Variants in IQCK observed in about 807,000 individuals in gnomAD.
The protein encoded by IQCK is IQ domain-containing protein K.
IQCK carries 29 observed loss-of-function variants against 28.1 expected under a neutral mutation model. That is an observed-to-expected ratio of 1.03 (90% confidence interval 0.77 to 1.41). The LOEUF (loss-of-function observed/expected upper bound fraction) is 1.41. Ranked by LOEUF, IQCK falls within the 40% of genes most tolerant of loss-of-function variation. The pLI is 0.00. For missense variants in IQCK, 359 were observed against 314.7 expected (o/e 1.14, Z -1.07); for synonymous variants, 113 against 115.1 (o/e 0.98, Z 0.12).
chr16:19,734,680 C>G (rs1977954934), intron 3 of IQCK, among the ~76,000 whole-genome samples: 1 of 146,966 alleles, frequency 6.8e-6, no homozygotes, highest in Non-Finnish European at 1.5e-5. Context: ...ATTTGGGAGG[C>G]TAAGGTGGGA....
intron 9 of IQCK, among the ~76,000 whole-genome samples, chr16:19,836,861 G>A (rs1377531968): frequency 2.6e-5 from 4 of 152,052 alleles, no homozygotes; most frequent in Admixed American, 6.6e-5. Flanking sequence ...ACCCCTAGAC[G>A]GCTCATGACC....
intron 6 of IQCK, among the ~76,000 whole-genome samples, chr16:19,764,863 T>A (rs1422093837): frequency 2.0e-5 from 3 of 149,462 alleles, no homozygotes; most frequent in African/African-American, 7.3e-5. Flanking sequence ...CTAATTTTTT[T>A]TTTTTTTTTG....
chr16:19,754,086 C>T (rs1005793654), intron 4 of IQCK, among the ~76,000 whole-genome samples: 8 of 152,056 alleles, frequency 5.3e-5, no homozygotes, highest in Non-Finnish European at 1.2e-4. Flanking sequence ...GATTATCTCA[C>T]CTGCCTTATC....
intron 4 of IQCK, among the ~76,000 whole-genome samples, chr16:19,754,631 CTCTT>C (rs950768374): frequency 2.5e-4 from 32 of 125,782 alleles, no homozygotes; most frequent in Admixed American, 8.4e-4. Flanking sequence ...GAATTTTTTT[CTCTT>C]TCTTTTTTTT....
chr16:19,834,502 A>T (rs920424327), intron 9 of IQCK, among the ~76,000 whole-genome samples: 1 of 152,180 alleles, frequency 6.6e-6, no homozygotes, highest in African/African-American at 2.4e-5. Context: ...CATGGTAACT[A>T]AGGACCCACA....
intron 1 of IQCK, 81 bp from the exon 2 acceptor site, chr16:19,730,349 T>G: frequency 9.5e-7 from 1 of 1,047,268 alleles, no homozygotes; most frequent in East Asian, 2.5e-5. Context: ...AATTTAAGAA[T>G]GTTTTATTCA....
At chr16:19,763,407 A>G (rs2055178464) in intron 4 of IQCK, among the ~76,000 whole-genome samples, 1 of 152,050 alleles carries the variant, frequency 6.6e-6, no homozygotes, top group Non-Finnish European at 1.5e-5. Context: ...CAGAGGTGGA[A>G]GGGGAGGCAG....
chr16:19,838,756 T>A (rs1435702904), intron 9 of IQCK, among the ~76,000 whole-genome samples: 1 of 152,136 alleles, frequency 6.6e-6, no homozygotes, highest in Non-Finnish European at 1.5e-5. Flanking sequence ...CAGTGGTTCA[T>A]GCCTGTAATC....
chr16:19,726,696 G>T (rs1162870961), intron 1 of IQCK, among the ~76,000 whole-genome samples: 1 of 152,154 alleles, frequency 6.6e-6, no homozygotes, highest in Non-Finnish European at 1.5e-5. Context: ...ATAAATGAAT[G>T]AATAAGCCGT....
downstream of IQCK, among the ~76,000 whole-genome samples, chr16:19,829,303 GC>G (rs1189286610): frequency 6.6e-6 from 1 of 150,382 alleles, no homozygotes; most frequent in Non-Finnish European, 1.5e-5. Context: ...ATGTGCCAAT[GC>G]CTTCTTCACC....
chr16:19,832,465 G>A (rs371868114), intron 9 of IQCK, among the ~76,000 whole-genome samples: 3 of 151,914 alleles, frequency 2.0e-5, no homozygotes, highest in African/African-American at 4.8e-5. Context: ...TTCCAAGAGT[G>A]GTTTTTAGTA....
At chr16:19,832,901 A>G (rs2056250923) in intron 9 of IQCK, among the ~76,000 whole-genome samples, 1 of 152,160 alleles carries the variant, frequency 6.6e-6, no homozygotes, top group South Asian at 2.1e-4. Flanking sequence ...CACTATCATA[A>G]GAACAGTATG....
chr16:19,816,960 G>GC (rs2055996596), intron 7 of IQCK, among the ~76,000 whole-genome samples: 1 of 152,124 alleles, frequency 6.6e-6, no homozygotes. Context: ...TAAGGAACCT[G>GC]CCCAAGGCTC....
At chr16:19,754,790 G>T (rs899741825) in intron 4 of IQCK, among the ~76,000 whole-genome samples, 2 of 152,066 alleles carry the variant, frequency 1.3e-5, no homozygotes, top group African/African-American at 4.8e-5. Flanking sequence ...TGACCAATAA[G>T]GAAAATTAGT....
chr16:19,827,571 G>A (rs1222226472), downstream of IQCK, among the ~76,000 whole-genome samples: 1 of 152,196 alleles, frequency 6.6e-6, no homozygotes. Flanking sequence ...CGGGCTGTGA[G>A]ATGCCCAGAT....
chr16:19,821,810 A>G (rs1267462888), intron 7 of IQCK, among the ~76,000 whole-genome samples: 1 of 152,130 alleles, frequency 6.6e-6, no homozygotes, highest in Non-Finnish European at 1.5e-5. Flanking sequence ...TCGGTGACTC[A>G]CACCTGTAAT....
intron 4 of IQCK, among the ~76,000 whole-genome samples, chr16:19,755,725 C>T (rs1482455655): frequency 6.6e-6 from 1 of 152,192 alleles, no homozygotes; most frequent in African/African-American, 2.4e-5. Context: ...CTCATTTTCC[C>T]CACCATTTCT....
chr16:19,719,813 A>G (rs1977429778), intron 1 of IQCK, among the ~76,000 whole-genome samples: 1 of 150,414 alleles, frequency 6.6e-6, no homozygotes, highest in Admixed American at 6.7e-5. Flanking sequence ...AGCTGGGATT[A>G]CAGGCACCCG....
In IQCK at chr16:19,792,902, A is replaced by G. The variant is rs1312636680; in HGVS notation, c.690+3980A>G. Among the ~76,000 whole-genome samples, 2 of 115,950 alleles carry G rather than the reference A, an allele frequency of 1.7e-5. 1 individual carries two copies. Among genetic ancestry groups the G allele is most frequent in the Non-Finnish European group, 3.1e-5 (2 of 65,004 alleles). The allele number at this position is 115,950 out of a possible 152,430, so 76.1% of individuals were successfully genotyped here. On this transcript the variant is annotated intron_variant, in intron 7 of 7. Transcript: ENST00000564186. ...CCACACTGAACACATTTTTTTACAA[A>G]GAGAATGTAGTATGATTTTGTTTAA...
Sources: allele counts gnomAD v4.1 joint callset (sites outside exome capture counted in the v4.1 genomes callset), GRCh38; gene constraint gnomAD v4.1.1; transcripts MANE v1.5; gene names NCBI Gene and HGNC (gene_info 2026-07-23, HGNC 2026-07-21).